The following GASK1A variants were observed in gnomAD, a reference collection of about 807,000 sequenced individuals.
The protein encoded by GASK1A is golgi associated kinase 1A.
Under a neutral mutation model 41.2 loss-of-function variants are expected in GASK1A, and 40 were observed. The observed-to-expected ratio is 0.97, with a 90% CI of 0.75 to 1.27. The LOEUF (loss-of-function observed/expected upper bound fraction) is 1.27, where lower values mean the gene tolerates loss of function less well. Ranked by LOEUF, GASK1A falls within the 50% of genes most tolerant of loss-of-function variation. The probability of loss-of-function intolerance (pLI) is 0.00; values close to 1 mark genes in which losing one functional copy is unlikely to be tolerated. For missense variants in GASK1A, 678 were observed against 745.1 expected (o/e 0.91, Z 1.05); for synonymous variants, 316 against 307.1 (o/e 1.03, Z -0.30).
intron 2 of GASK1A, among the ~76,000 whole-genome samples, chr3:43,050,823 T>C (rs938396906): frequency 3.3e-5 from 5 of 152,214 alleles, no homozygotes; most frequent in African/African-American, 1.2e-4. Flanking sequence ...TTTTTAAAAG[T>C]TGTTGTACTT....
chr3:43,030,955 C>T (rs1371622299), intron 1 of GASK1A, among the ~76,000 whole-genome samples: 1 of 152,210 alleles, frequency 6.6e-6, no homozygotes, highest in Non-Finnish European at 1.5e-5. Flanking sequence ...CTCAGAAGAG[C>T]AAGCACATGC....
At chr3:43,024,938 T>G (rs984689178) in intron 1 of GASK1A, among the ~76,000 whole-genome samples, 3 of 152,110 alleles carry the variant, frequency 2.0e-5, no homozygotes, top group Non-Finnish European at 4.4e-5. Flanking sequence ...AGGGGAAGGC[T>G]TCCTGGGGGA....
chr3:43,029,327 C>A (rs1482534091), intron 1 of GASK1A, among the ~76,000 whole-genome samples: 1 of 152,102 alleles, frequency 6.6e-6, no homozygotes, highest in Non-Finnish European at 1.5e-5. Context: ...CAACCCTCTT[C>A]TTTGAAAGCC....
intron 1 of GASK1A, among the ~76,000 whole-genome samples, chr3:42,983,181 G>A (rs1429943430): frequency 6.6e-6 from 1 of 152,156 alleles, no homozygotes; most frequent in African/African-American, 2.4e-5. Flanking sequence ...GTGGCTCTGG[G>A]TAAGCGCTGC....
intron 3 of GASK1A, among the ~76,000 whole-genome samples, chr3:43,054,964 G>A (rs1000349154): frequency 3.9e-5 from 6 of 152,186 alleles, no homozygotes; most frequent in Admixed American, 2.6e-4. Context: ...GCCCCTCACA[G>A]CCGGTGGCCC....
intron 1 of GASK1A, among the ~76,000 whole-genome samples, chr3:42,996,437 T>C (rs2089370000): frequency 6.6e-6 from 1 of 152,238 alleles, no homozygotes; most frequent in Admixed American, 6.5e-5. Flanking sequence ...TTGTCTCTTT[T>C]GTTCATGATG....
At chr3:43,000,426 C>T (rs942171653) in intron 1 of GASK1A, among the ~76,000 whole-genome samples, 1 of 152,242 alleles carries the variant, frequency 6.6e-6, no homozygotes, top group African/African-American at 2.4e-5. Flanking sequence ...TAAACATCTC[C>T]TTTGGCCCCT....
intron 1 of GASK1A, among the ~76,000 whole-genome samples, chr3:42,985,157 G>GA (rs1401449810): frequency 6.6e-6 from 1 of 152,020 alleles, no homozygotes; most frequent in African/African-American, 2.4e-5. Context: ...GAAGATAGAA[G>GA]AAAAAATAAT....
chr3:43,055,048 C>T (rs1281965988), intron 3 of GASK1A, among the ~76,000 whole-genome samples: 1 of 152,230 alleles, frequency 6.6e-6, no homozygotes, highest in African/African-American at 2.4e-5. Flanking sequence ...AAAATAGGAT[C>T]AGTCCTTTGG....
chr3:42,983,861 G>A (rs2089293808), intron 1 of GASK1A, among the ~76,000 whole-genome samples: 1 of 152,148 alleles, frequency 6.6e-6, no homozygotes. Context: ...CCAAACAGAG[G>A]TTGATCCAAA....
intron 1 of GASK1A, among the ~76,000 whole-genome samples, chr3:43,001,885 G>A (rs1455239927): frequency 1.3e-5 from 2 of 152,116 alleles, no homozygotes; most frequent in Non-Finnish European, 2.9e-5. Flanking sequence ...GGGTCTGACC[G>A]GGCTGCCTGT....
At chr3:43,025,184 G>T (rs776726056) in intron 1 of GASK1A, among the ~76,000 whole-genome samples, 1 of 152,194 alleles carries the variant, frequency 6.6e-6, no homozygotes, top group Non-Finnish European at 1.5e-5. Flanking sequence ...TGGGAGCAAA[G>T]GGGGCTGTTG....
intron 1 of GASK1A, among the ~76,000 whole-genome samples, chr3:42,996,763 T>A (rs776095126): frequency 6.6e-6 from 1 of 152,200 alleles, no homozygotes; most frequent in Non-Finnish European, 1.5e-5. Flanking sequence ...TGGAGAAAGG[T>A]CATGGTCCTG....
intron 1 of GASK1A, among the ~76,000 whole-genome samples, chr3:43,015,932 G>A (rs2089488874): frequency 2.0e-5 from 3 of 151,832 alleles, no homozygotes; most frequent in African/African-American, 7.3e-5. Flanking sequence ...GGAAGGGGCA[G>A]TGTAAAGCCA....
At chr3:42,992,239 G>C (rs570635674) in intron 1 of GASK1A, among the ~76,000 whole-genome samples, 5 of 152,184 alleles carry the variant, frequency 3.3e-5, no homozygotes, top group African/African-American at 1.2e-4. Context: ...TATCTTACTC[G>C]GTGTGGTTTT....
chr3:43,025,527 A>G (rs1237554597), intron 1 of GASK1A, among the ~76,000 whole-genome samples: 1 of 152,146 alleles, frequency 6.6e-6, no homozygotes, highest in African/African-American at 2.4e-5. Context: ...TAGGTGGATC[A>G]CCTCACTTCC....
At chr3:43,047,245 T>C (rs489117) in intron 2 of GASK1A, among the ~76,000 whole-genome samples, 135,341 of 152,288 alleles carry the variant, frequency 0.89, 62,320 homozygotes, top group East Asian at 1. Flanking sequence ...GGGGTCTCTA[T>C]CCTGCAAAGC....
chr3:43,040,189 AC>A (rs2089629169), intron 2 of GASK1A, among the ~76,000 whole-genome samples: 1 of 151,858 alleles, frequency 6.6e-6, no homozygotes, highest in Non-Finnish European at 1.5e-5. Context: ...GTATAAAACA[AC>A]TATTTTTTTT....
chr3:43,047,803 T>G (rs777795333), intron 2 of GASK1A, among the ~76,000 whole-genome samples: 48 of 152,322 alleles, frequency 3.2e-4, no homozygotes, highest in Non-Finnish European at 5.9e-4. Context: ...GTCCTTATCA[T>G]GATAATATGG....
Sources: gnomAD v4.1 joint callset for allele counts (sites outside exome capture counted in the v4.1 genomes callset) on GRCh38, gnomAD v4.1.1 for gene constraint, MANE v1.5 for transcripts, NCBI Gene and HGNC (gene_info 2026-07-23, HGNC 2026-07-21) for gene names.